GPC6: variants seen among roughly 807,000 people sequenced by gnomAD.
The protein encoded by GPC6 is glypican-6.
Under a neutral mutation model 55.2 loss-of-function variants are expected in GPC6, and 14 were observed. The observed-to-expected ratio is 0.25, with a 90% CI of 0.17 to 0.40. GPC6 has a LOEUF of 0.40. GPC6 is among the 10% of genes least tolerant of loss of function. GPC6 has a pLI of 1.00. For missense variants in GPC6, 641 were observed against 708.5 expected, an observed-to-expected ratio of 0.90 and a Z score of 1.08; for synonymous variants, 278 against 259.6, an observed-to-expected ratio of 1.07 and a Z score of -0.68.
chr13:94,265,655 A>T (rs1891779398), intron 4 of GPC6, among the ~76,000 whole-genome samples: 1 of 152,216 alleles, frequency 6.6e-6, no homozygotes, highest in Admixed American at 6.5e-5. Flanking sequence ...AGGGAGAGAA[A>T]GCAAGAAGTG....
At chr13:93,976,869 T>A (rs999027171) in intron 3 of GPC6, among the ~76,000 whole-genome samples, 3 of 152,034 alleles carry the variant, frequency 2.0e-5, no homozygotes, top group Non-Finnish European at 4.4e-5. Flanking sequence ...ATATCCATAT[T>A]TCTATGCTTG....
intron 1 of GPC6, among the ~76,000 whole-genome samples, chr13:93,276,493 AGAGTGTGT>A (rs1436851347): frequency 4.1e-4 from 38 of 93,008 alleles, no homozygotes; most frequent in African/African-American, 1.4e-3. Context: ...AGAGAGAGAG[AGAGTGTGT>A]GTGTGTGTGT....
intron 3 of GPC6, among the ~76,000 whole-genome samples, chr13:93,985,667 A>G (rs1880993913): frequency 1.8e-5 from 2 of 112,542 alleles, no homozygotes; most frequent in Admixed American, 2.5e-4. Flanking sequence ...ACTCCATCCT[A>G]GGTGACAAAG....
At position 93,547,584 on chromosome 13, in the gene GPC6, G is replaced by A. The variant is rs576187257; in HGVS notation, c.319+2163G>A. Among the ~76,000 whole-genome samples, 5 of 152,218 alleles carry A rather than the reference G, an allele frequency of 3.3e-5. No homozygotes were observed. In the South Asian group the frequency reaches 1.0e-3, roughly 32 times the overall value. ...GGTATGATGTCAATCAGTTTGACAG[G>A]ACATTGATTTTGCTAAGATTAGATC... On this transcript the variant is annotated intron_variant, in intron 2 of 8. Transcript: ENST00000377047.
chr13:93,671,638 T>G (rs1881363304), intron 2 of GPC6, among the ~76,000 whole-genome samples: 1 of 152,030 alleles, frequency 6.6e-6, no homozygotes, highest in Non-Finnish European at 1.5e-5. Context: ...TCTGGTTTTT[T>G]TAGGGTTATC....
rs181059962 is a variant in GPC6, at chr13:93,692,273, G to A, written c.320-137881G>A. 1.9e-3 allele frequency among the ~76,000 whole-genome samples: 282 copies of A among 152,002 alleles called. 1 individual carries two copies. The highest frequency in any genetic ancestry group is 3.7e-3 in the Non-Finnish European group (250 of 67,904). On this transcript the variant is annotated intron_variant, in intron 2 of 8. Transcript: ENST00000377047. ...AATTATGTTCCCAGATTTATTTCCC[G>A]TAATTTAAGAAATTTCATGTTCAGT...
intron 6 of GPC6, among the ~76,000 whole-genome samples, chr13:94,344,876 A>G (rs1390790474): frequency 2.0e-5 from 3 of 152,244 alleles, no homozygotes; most frequent in African/African-American, 7.2e-5. Flanking sequence ...GGATTAATCC[A>G]TGAATTAACT....
rs75302216 is a variant in GPC6, at chr13:93,741,580, G to A, written c.320-88574G>A. 1.5e-3 allele frequency among the ~76,000 whole-genome samples: 234 copies of A among 152,110 alleles called. 5 individuals are homozygous for A. In the East Asian group the frequency reaches 0.038, roughly 24 times the overall value. ...TGGGATTCAGTGCTCTTCCTTAGAC[G>A]TAATATAGACAGCATAGCCCCGCCC... On this transcript the variant is annotated intron_variant, in intron 2 of 8. Coordinates refer to ENST00000377047, the MANE Select transcript of GPC6 (RefSeq NM_005708.5).
At chr13:94,327,886 T>A (rs1210647348) in intron 6 of GPC6, among the ~76,000 whole-genome samples, 1 of 152,130 alleles carries the variant, frequency 6.6e-6, no homozygotes, top group East Asian at 1.9e-4. Context: ...GCTGAGAGAT[T>A]TTCTAGGAGA....
chr13:94,107,618 G>T (rs1886102916), intron 4 of GPC6, among the ~76,000 whole-genome samples: 1 of 144,874 alleles, frequency 6.9e-6, no homozygotes, highest in South Asian at 2.1e-4. Flanking sequence ...GGACTCATGA[G>T]TTCTAGCTTC....
intron 1 of GPC6, among the ~76,000 whole-genome samples, chr13:93,371,484 G>A (rs1407902346): frequency 2.0e-5 from 3 of 152,046 alleles, no homozygotes; most frequent in Non-Finnish European, 4.4e-5. Context: ...TAGAAAAAAT[G>A]CATTTTTGTT....
chr13:93,625,444 C>T (rs754480788), intron 2 of GPC6, among the ~76,000 whole-genome samples: 2 of 152,130 alleles, frequency 1.3e-5, no homozygotes, highest in African/African-American at 2.4e-5. Flanking sequence ...TGTGTGCTAC[C>T]GGTGAGATCC....
chr13:93,516,184 G>C (rs775200488), intron 1 of GPC6, among the ~76,000 whole-genome samples: 2 of 152,080 alleles, frequency 1.3e-5, no homozygotes, highest in Non-Finnish European at 2.9e-5. Context: ...AAAAAGAGTA[G>C]AGTAAAAGGT....
chr13:93,793,544 C>T (rs560134940), intron 2 of GPC6, among the ~76,000 whole-genome samples: 2 of 152,048 alleles, frequency 1.3e-5, no homozygotes, highest in Admixed American at 6.5e-5. Flanking sequence ...TTTCCTTGTG[C>T]ACTACATTGT....
chr13:94,331,074 G>T (rs1452082437), intron 6 of GPC6, among the ~76,000 whole-genome samples: 3 of 152,148 alleles, frequency 2.0e-5, no homozygotes, highest in Non-Finnish European at 4.4e-5. Context: ...CTAACTGGCA[G>T]ATTTAAGAAA....
At chr13:94,143,750 G>A (rs559878148) in intron 4 of GPC6, among the ~76,000 whole-genome samples, 3 of 152,030 alleles carry the variant, frequency 2.0e-5, no homozygotes, top group South Asian at 2.1e-4. Flanking sequence ...TTAGCCAGGC[G>A]TGCACCTGTA....
intron 4 of GPC6, among the ~76,000 whole-genome samples, chr13:94,261,011 T>G (rs1310834041): frequency 6.6e-6 from 1 of 152,160 alleles, no homozygotes; most frequent in Non-Finnish European, 1.5e-5. Context: ...CAGTGGCTCA[T>G]GTCTGTAATC....
rs142464802 is a variant in GPC6, at chr13:93,974,057, G to A, written c.712-53672G>A. 5.5e-3 allele frequency among the ~76,000 whole-genome samples: 838 copies of A among 152,216 alleles called. 6 individuals are homozygous for A. The highest frequency in any genetic ancestry group is 0.019 in the African/African-American group (779 of 41,520). On this transcript the variant is annotated intron_variant, in intron 3 of 8. Coordinates refer to ENST00000377047, the MANE Select transcript of GPC6 (RefSeq NM_005708.5). ...CTTTTCTTCTAATTGCTTAAACATC[G>A]TTTTCTACTTTAGCTCCAAGGTCCT...
At chr13:94,372,594 A>G (rs1385388836) in intron 6 of GPC6, among the ~76,000 whole-genome samples, 2 of 152,130 alleles carry the variant, frequency 1.3e-5, no homozygotes, top group African/African-American at 2.4e-5. Context: ...TTGCTAGCAC[A>G]GCAGTCTGAG....
Sources: allele counts gnomAD v4.1 joint callset (sites outside exome capture counted in the v4.1 genomes callset), GRCh38; gene constraint gnomAD v4.1.1; transcripts MANE v1.5; gene names NCBI Gene and HGNC (gene_info 2026-07-23, HGNC 2026-07-21).